FAM193A: variants seen among roughly 807,000 people sequenced by gnomAD.
FAM193A encodes family with sequence similarity 193 member A.
Under a neutral mutation model 126.5 loss-of-function variants are expected in FAM193A, and 22 were observed. That is an observed-to-expected ratio of 0.17 (90% CI 0.12 to 0.25). The LOEUF is 0.25. FAM193A is among the 10% of genes least tolerant of loss of function. The pLI is 1.00. For synonymous variants in FAM193A, 761 were observed against 646.8 expected (o/e 1.18, Z -2.68); for missense variants, 1,675 against 1,672.8 (o/e 1.00, Z -0.02).
chr4:2,540,814 A>T (rs969041148), intron 1 of FAM193A, among the ~76,000 whole-genome samples: 24 of 151,170 alleles, frequency 1.6e-4, no homozygotes, highest in African/African-American at 5.8e-4. Flanking sequence ...TACAAAGAAT[A>T]GCCGGGAATA....
At chr4:2,699,575 T>C in intron 18 of FAM193A, 105 bp from the exon 19 acceptor site, 1 of 1,112,128 alleles carries the variant, frequency 9.0e-7, no homozygotes, top group Non-Finnish European at 1.3e-6. Context: ...CTTCAGAGTT[T>C]ATGTTCCATA....
At chr4:2,647,864 AC>A (rs1162782456) in intron 7 of FAM193A, among the ~76,000 whole-genome samples, 1 of 152,218 alleles carries the variant, frequency 6.6e-6, no homozygotes, top group Admixed American at 6.5e-5. Flanking sequence ...CTAGCCTAAG[AC>A]ATGTGCTGGT....
intron 1 of FAM193A, among the ~76,000 whole-genome samples, chr4:2,587,981 G>A (rs377021689): frequency 1.8e-4 from 28 of 152,344 alleles, no homozygotes; most frequent in African/African-American, 6.3e-4. Context: ...GAGCTAGTTG[G>A]AGGACATTGG....
At chr4:2,621,419 G>A (rs1340900921) in intron 2 of FAM193A, among the ~76,000 whole-genome samples, 1 of 152,172 alleles carries the variant, frequency 6.6e-6, no homozygotes, top group African/African-American at 2.4e-5. Flanking sequence ...GCCAATCAGA[G>A]GCTCACTGAC....
At chr4:2,552,847 C>CTTT (rs5855745) in intron 1 of FAM193A, among the ~76,000 whole-genome samples, 2,513 of 119,294 alleles carry the variant, frequency 0.021, 142 homozygotes, top group African/African-American at 0.077. Flanking sequence ...ACAGAACTTT[C>CTTT]TTTTTTTTTT....
chr4:2,637,979 AT>A (rs1744252217), intron 5 of FAM193A, among the ~76,000 whole-genome samples: 1 of 152,198 alleles, frequency 6.6e-6, no homozygotes, highest in Non-Finnish European at 1.5e-5. Context: ...AAAATGCCAA[AT>A]ATCTTCATAA....
chr4:2,660,659 G>A (rs952785552), intron 10 of FAM193A, among the ~76,000 whole-genome samples: 3 of 152,188 alleles, frequency 2.0e-5, no homozygotes, highest in Admixed American at 6.5e-5. Context: ...TACGTGTATC[G>A]TAGAGCACAC....
chr4:2,549,308 G>A (rs911215181), intron 1 of FAM193A, among the ~76,000 whole-genome samples: 1 of 151,516 alleles, frequency 6.6e-6, no homozygotes. Flanking sequence ...TTTTTTCTGT[G>A]TGGATCATGG....
chr4:2,663,209 A>T lies in FAM193A; in HGVS notation c.2000A>T (p.Asp667Val), dbSNP rs752306165. 3 of 1,614,192 alleles carry T rather than the reference A, an allele frequency of 1.9e-6. No individual in the cohort carries two copies. Among genetic ancestry groups the T allele is most frequent in the Non-Finnish European group, 2.5e-6 (3 of 1,180,042 alleles). ...SGEPPGAPKE[D>V]GVLGSRSPRT... ...GAGCCCCCAGGGGCCCCGAAGGAAG[A>T]TGGAGTGCTGGGAAGCAGGAGCCCC... The change falls in exon 12 of 21, where the codon GAT becomes GTT. Residue 667 changes from aspartate (D) to valine (V), a missense_variant. By Grantham distance (152) the Asp-to-Val change is radical. Around this residue, in one of 4 missense-constraint regions of FAM193A, gnomAD observed 1,186 missense variants for 1,109.2 expected, o/e 1.07. Coordinates refer to ENST00000637812, the MANE Select transcript of FAM193A (RefSeq NM_001366318.2).
chr4:2,607,086 C>T (rs1398771536), intron 2 of FAM193A, among the ~76,000 whole-genome samples: 1 of 152,212 alleles, frequency 6.6e-6, no homozygotes, highest in African/African-American at 2.4e-5. Context: ...CAGTGAGATT[C>T]CTCGAGGCGG....
intron 13 of FAM193A, among the ~76,000 whole-genome samples, chr4:2,685,446 A>G (rs1715626100): frequency 6.6e-6 from 1 of 152,230 alleles, no homozygotes; most frequent in Non-Finnish European, 1.5e-5. Flanking sequence ...AATAGGTTGC[A>G]ATATGGGGAT....
Position 2,552,745 on chromosome 4 carries a change from GCC to G in FAM193A, c.255+15576_255+15577del, listed in dbSNP as rs950306315. 1.2e-3 allele frequency among the ~76,000 whole-genome samples: 186 copies of G among 150,894 alleles called. 1 individual carries two copies. Among genetic ancestry groups the G allele is most frequent in the Non-Finnish European group, 7.2e-4 (49 of 67,802 alleles). Reference sequence around the variant, plus strand: ...GTAGAGACGGGGTTTCACCGTGTTAGCCAGGATGGTCTTGATCTCATGACCTC... The same window carrying G: ...GTAGAGACGGGGTTTCACCGTGTTAGAGGATGGTCTTGATCTCATGACCTC... On this transcript the variant is annotated intron_variant, in intron 1 of 20. Coordinates refer to ENST00000637812, the MANE Select transcript of FAM193A (RefSeq NM_001366318.2).
At chr4:2,555,807 C>T (rs551955061) in intron 1 of FAM193A, among the ~76,000 whole-genome samples, 8 of 151,836 alleles carry the variant, frequency 5.3e-5, no homozygotes, top group African/African-American at 7.3e-5. Context: ...TTAGTAGAGA[C>T]GGGGTTTCAC....
At position 2,693,769 on chromosome 4, in the gene FAM193A, C is replaced by G. The variant is rs758241326; in HGVS notation, c.2987C>G (p.Thr996Arg). 3.1e-6 allele frequency: 5 copies of G among 1,614,242 alleles called. No individual in the cohort carries two copies. Among genetic ancestry groups the G allele is most frequent in the Admixed American group, 1.7e-5 (1 of 60,030 alleles). Residue 996 changes from threonine to arginine, a missense_variant, in exon 16 of 21, where the codon ACA (threonine) becomes AGA (arginine). Thr to Arg is a moderately conservative substitution (Grantham distance 71). Transcript: ENST00000637812. ...ANLAAPSFPK[T>R]ATTTPGFVDT... ...CTTGCAGCCCCATCATTCCCCAAAACAGCAACCACAACTCCTGGGTTTGTG... is the reference window on the plus strand; with the variant it reads ...CTTGCAGCCCCATCATTCCCCAAAAGAGCAACCACAACTCCTGGGTTTGTG...
Position 2,663,232 on chromosome 4 carries a change from C to T in FAM193A, c.2023C>T (p.Pro675Ser), listed in dbSNP as rs765807559. Residue 675 changes from proline to serine, a missense_variant, in exon 12 of 21, where the codon CCC (proline) becomes TCC (serine). Pro to Ser is a moderately conservative substitution (Grantham distance 74). Coordinates refer to ENST00000637812, the MANE Select transcript of FAM193A (RefSeq NM_001366318.2). ...AGATGGAGTGCTGGGAAGCAGGAGC[C>T]CCAGGACAGAGGAGAGCAAAGCAGA... ...KEDGVLGSRS[P>S]RTEESKADSP... The T allele has an allele frequency of 3.7e-6, 6 of 1,613,960 alleles. No homozygotes were observed. In the East Asian group the frequency reaches 1.1e-4, roughly 30 times the overall value.
intron 1 of FAM193A, among the ~76,000 whole-genome samples, chr4:2,578,773 T>A (rs923794292): frequency 7.2e-5 from 11 of 152,280 alleles, no homozygotes; most frequent in Middle Eastern, 3.4e-3. Flanking sequence ...TAAAGTAAGC[T>A]AGAGAAAATA....
intron 19 of FAM193A, among the ~76,000 whole-genome samples, chr4:2,706,062 G>T (rs892151788): frequency 6.6e-6 from 1 of 151,988 alleles, no homozygotes; most frequent in African/African-American, 2.4e-5. Context: ...TTTTAAAATA[G>T]CAGGGCATGG....
intron 15 of FAM193A, among the ~76,000 whole-genome samples, chr4:2,691,185 C>T (rs1187598425): frequency 2.6e-5 from 4 of 152,318 alleles, no homozygotes; most frequent in East Asian, 1.9e-4. Context: ...TCTGGGGCTT[C>T]GCTGCACTGT....
intron 1 of FAM193A, among the ~76,000 whole-genome samples, chr4:2,563,547 C>A (rs1738758110): frequency 6.6e-6 from 1 of 150,984 alleles, no homozygotes; most frequent in Non-Finnish European, 1.5e-5. Flanking sequence ...AAAAAAAAAA[C>A]CTCCCAAAAC....
Sources: gnomAD v4.1 joint callset for allele counts (sites outside exome capture counted in the v4.1 genomes callset) on GRCh38, gnomAD v4.1.1 for gene constraint, gnomAD v4.1.1 regional missense constraint, MANE v1.5 for transcripts, NCBI Gene and HGNC (gene_info 2026-07-23, HGNC 2026-07-21) for gene names.